The following GPHN variants were observed in gnomAD, a reference collection of about 807,000 sequenced individuals.
GPHN encodes gephyrin.
Under a neutral mutation model 95.5 loss-of-function variants are expected in GPHN, and 17 were observed. The ratio of observed to expected loss-of-function variants is 0.18; its 90% CI spans 0.12 to 0.27. The LOEUF is 0.27. GPHN is among the 10% of genes least tolerant of loss of function. The pLI is 1.00. For synonymous variants in GPHN, 320 were observed against 322.5 expected, an observed-to-expected ratio of 0.99 and a Z score of 0.08; for missense variants, 660 against 978.1, an observed-to-expected ratio of 0.67 and a Z score of 4.34.
At chr14:67,623,176 T>G in the GPHN span, among the ~76,000 whole-genome samples, 9 of 152,232 alleles carry the variant, frequency 5.9e-5, no homozygotes, top group African/African-American at 2.2e-4. Context: ...TAAATAAAAC[T>G]GTGGCTCTCA....
intron 1 of GPHN, among the ~76,000 whole-genome samples, chr14:66,545,808 G>A (rs1451574581): frequency 3.3e-5 from 5 of 149,676 alleles, no homozygotes; most frequent in Non-Finnish European, 6.0e-5. Flanking sequence ...CAGTAGGGGC[G>A]GCTGGGCGGA....
the GPHN span, among the ~76,000 whole-genome samples, chr14:67,252,224 C>T: frequency 6.6e-6 from 1 of 152,146 alleles, no homozygotes; most frequent in African/African-American, 2.4e-5. Context: ...AGGTCTTGCT[C>T]TGTCACCCAG....
the GPHN span, chr14:67,695,822 G>A: frequency 1.1e-6 from 1 of 913,790 alleles, no homozygotes; most frequent in East Asian, 2.6e-5. Context: ...GACCTTCTGG[G>A]AAATGTAGTC....
chr14:66,620,098 G>C (rs2063228786), intron 1 of GPHN, among the ~76,000 whole-genome samples: 2 of 152,214 alleles, frequency 1.3e-5, no homozygotes, highest in Admixed American at 1.3e-4. Context: ...AGAGGGTTCA[G>C]GCAAGCTGCC....
the GPHN span, among the ~76,000 whole-genome samples, chr14:67,208,825 A>C: frequency 6.6e-6 from 1 of 151,576 alleles, no homozygotes; most frequent in Non-Finnish European, 1.5e-5. Flanking sequence ...TGAACTCAGA[A>C]GGCAGAGGTT....
At chr14:67,143,590 G>T in intron 18 of GPHN, 141 bp downstream of exon 18, 1 of 721,994 alleles carries the variant, frequency 1.4e-6, no homozygotes. Flanking sequence ...GAAATTACTG[G>T]TCTCTTTAAA....
chr14:67,318,149 G>C, the GPHN span, among the ~76,000 whole-genome samples: 1 of 152,114 alleles, frequency 6.6e-6, no homozygotes, highest in Non-Finnish European at 1.5e-5. Flanking sequence ...GTTCACATTA[G>C]AAGCAACCCA....
At chr14:67,499,717 G>A in the GPHN span, among the ~76,000 whole-genome samples, 1 of 152,148 alleles carries the variant, frequency 6.6e-6, no homozygotes, top group East Asian at 1.9e-4. Context: ...CCTCCAATAG[G>A]TTAAAAAGGC....
chr14:67,458,407 C>T, the GPHN span, among the ~76,000 whole-genome samples: 1 of 152,178 alleles, frequency 6.6e-6, no homozygotes, highest in Non-Finnish European at 1.5e-5. Flanking sequence ...AGACCCGCAG[C>T]GTGCCGGGTG....
chr14:67,377,853 A>G, the GPHN span, among the ~76,000 whole-genome samples: 1 of 152,032 alleles, frequency 6.6e-6, no homozygotes, highest in Non-Finnish European at 1.5e-5. Flanking sequence ...CATGCCTGTA[A>G]TCCCAGCACT....
chr14:67,642,407 G>A, the GPHN span: 16 of 1,592,266 alleles, frequency 1.0e-5, no homozygotes, highest in African/African-American at 1.3e-5. Flanking sequence ...ATTACATGGT[G>A]CTTGGGGCTC....
intron 3 of GPHN, among the ~76,000 whole-genome samples, chr14:66,791,206 T>TA (rs2059958940): frequency 6.6e-6 from 1 of 152,162 alleles, no homozygotes; most frequent in Non-Finnish European, 1.5e-5. Context: ...CCCCACCACT[T>TA]ACTGAAAGTC....
At chr14:67,146,976 T>TGA (rs2080933636) in intron 18 of GPHN, among the ~76,000 whole-genome samples, 1 of 152,140 alleles carries the variant, frequency 6.6e-6, no homozygotes, top group African/African-American at 2.4e-5. Flanking sequence ...GAGGTTGCAG[T>TGA]GAGCCAAGAT....
rs900073216 is a variant in GPHN, at chr14:67,050,416, A to G, written c.1007-8233A>G. On this transcript the variant is annotated intron_variant, in intron 10 of 22. Transcript: ENST00000478722. ...TACCCCAAGTATTTACTGAGTATCTACTATAAGTGTAAGGAAGGCACTATT... is the reference window on the plus strand; with the variant it reads ...TACCCCAAGTATTTACTGAGTATCTGCTATAAGTGTAAGGAAGGCACTATT... 1.9e-4 allele frequency among the ~76,000 whole-genome samples: 29 copies of G among 152,218 alleles called. 1 individual carries two copies. Among genetic ancestry groups the G allele is most frequent in the African/African-American group, 7.0e-4 (29 of 41,446 alleles).
chr14:67,171,859 C>G (rs186342159), intron 21 of GPHN, among the ~76,000 whole-genome samples: 1 of 152,120 alleles, frequency 6.6e-6, no homozygotes, highest in Non-Finnish European at 1.5e-5. Flanking sequence ...CCAGGAAGAA[C>G]TCCCTTGGCA....
At chr14:67,330,328 CTTCTT>C in the GPHN span, among the ~76,000 whole-genome samples, 1 of 151,672 alleles carries the variant, frequency 6.6e-6, no homozygotes, top group East Asian at 1.9e-4. Flanking sequence ...TTTTTAAACT[CTTCTT>C]TTCAAATGTA....
intron 8 of GPHN, among the ~76,000 whole-genome samples, chr14:66,944,935 C>G (rs944747102): frequency 3.9e-5 from 6 of 152,214 alleles, no homozygotes; most frequent in African/African-American, 1.4e-4. Flanking sequence ...CCATCTTGCG[C>G]ATGCCTGCAG....
At chr14:67,632,395 T>G in the GPHN span, among the ~76,000 whole-genome samples, 1 of 152,216 alleles carries the variant, frequency 6.6e-6, no homozygotes, top group African/African-American at 2.4e-5. Context: ...CAGACCATTT[T>G]GGAGTAAATC....
intron 5 of GPHN, among the ~76,000 whole-genome samples, chr14:66,884,187 C>G (rs1479166928): frequency 2.0e-5 from 3 of 152,024 alleles, no homozygotes; most frequent in Non-Finnish European, 4.4e-5. Context: ...GGTAGGTCTT[C>G]TCTCTGAGCT....
Sources: gnomAD v4.1 joint callset for allele counts (sites outside exome capture counted in the v4.1 genomes callset) on GRCh38, gnomAD v4.1.1 for gene constraint, MANE v1.5 for transcripts, NCBI Gene and HGNC (gene_info 2026-07-23, HGNC 2026-07-21) for gene names.